Variants in SFT2D2 observed in about 807,000 individuals in gnomAD.
SFT2D2 encodes the protein SFT2 domain containing 2.
A neutral mutation model predicts 27.4 loss-of-function variants in SFT2D2; 21 were observed. The observed-to-expected ratio is 0.77, with a 90% CI of 0.54 to 1.10. The LOEUF (loss-of-function observed/expected upper bound fraction) is 1.10, where lower values mean the gene tolerates loss of function less well. Among genes scored for constraint, SFT2D2 ranks in the 50% least tolerant of loss-of-function variants. SFT2D2 has a pLI of 0.00. For missense variants in SFT2D2, 187 were observed against 194.2 expected (o/e 0.96, Z 0.22); for synonymous variants, 72 against 71.7 (o/e 1.00, Z -0.02).
In SFT2D2 at chr1:168,251,609, C is replaced by A. The variant is rs892980021; in HGVS notation, c.*9069C>A. 5 of 151,834 alleles carry A rather than the reference C, an allele frequency of 3.3e-5. No homozygotes were observed. The highest frequency in any genetic ancestry group is 1.2e-4 in the African/African-American group (5 of 41,342). The allele number at this position is 151,834 out of a possible 1,614,324, so 9.4% of individuals were successfully genotyped here. A position where few individuals can be genotyped will look rare whatever the true frequency, so the allele number is the denominator to read the frequency against. ...TTATAAATGGTTTAAAATACGTATT[C>A]TCAAACCTCATTTTCAGCATATAAA... On this transcript the variant is annotated 3_prime_UTR_variant, in exon 8 of 8. Coordinates refer to ENST00000271375, the MANE Select transcript of SFT2D2 (RefSeq NM_199344.3).
At chr1:168,227,059 A>G (rs1262237870) in intron 1 of SFT2D2, among the ~76,000 whole-genome samples, 1 of 152,068 alleles carries the variant, frequency 6.6e-6, no homozygotes, top group Non-Finnish European at 1.5e-5. Flanking sequence ...ACCTCAAGTG[A>G]TCCGCCCACC....
chr1:168,226,161 G>C lies in SFT2D2; in HGVS notation c.63+19G>C, dbSNP rs978125619. 1 of 1,525,080 alleles carries C rather than the reference G, an allele frequency of 6.6e-7. No individual in the cohort carries two copies. The highest frequency in any genetic ancestry group is 1.2e-5 in the South Asian group (1 of 80,732). The allele number at this position is 1,525,080 out of a possible 1,614,324, so 94.5% of individuals were successfully genotyped here. A position where few individuals can be genotyped will look rare whatever the true frequency, so the allele number is the denominator to read the frequency against. On this transcript the variant is annotated intron_variant, in intron 1 of 7. Transcript: ENST00000271375. ...GTCCGAGGTGAGTGAGCCCGGGGCCGTCGGCCCCCTCTCGCCGCGCTCCCG... is the reference window on the plus strand; with the variant it reads ...GTCCGAGGTGAGTGAGCCCGGGGCCCTCGGCCCCCTCTCGCCGCGCTCCCG...
chr1:168,231,810 C>T (rs373850426), intron 2 of SFT2D2, 24 bp from the exon 3 acceptor site: 1 of 1,611,152 alleles, frequency 6.2e-7, no homozygotes, highest in Non-Finnish European at 8.5e-7. Context: ...TGCTCATGTG[C>T]AAACACTGTA....
intron 7 of SFT2D2, among the ~76,000 whole-genome samples, chr1:168,240,500 A>G (rs779420914): frequency 6.6e-6 from 1 of 152,166 alleles, no homozygotes; most frequent in Non-Finnish European, 1.5e-5. Context: ...ACCGGAGTTC[A>G]TCATTACTGA....
intron 1 of SFT2D2, among the ~76,000 whole-genome samples, chr1:168,230,779 T>G (rs1240588149): frequency 6.6e-6 from 1 of 152,138 alleles, no homozygotes; most frequent in East Asian, 1.9e-4. Context: ...CTGGCTGTTG[T>G]CATTTTTGAC....
rs1364652097 is a variant in SFT2D2, at chr1:168,243,397, C to A, written c.*857C>A. ...TTATTTATAAATGTTTGCTTTTAAA[C>A]TGATTTTATTTTCCATTCTCCCCTG... On this transcript the variant is annotated 3_prime_UTR_variant, in exon 8 of 8. Transcript: ENST00000271375. 3 of 151,968 alleles carry A rather than the reference C, an allele frequency of 2.0e-5. No homozygotes were observed. In the East Asian group the frequency reaches 5.8e-4, roughly 29 times the overall value. The allele number at this position is 151,968 out of a possible 1,614,324, so 9.4% of individuals were successfully genotyped here. A position where few individuals can be genotyped will look rare whatever the true frequency, so the allele number is the denominator to read the frequency against.
At chr1:168,240,843 C>T (rs569145850) in intron 7 of SFT2D2, among the ~76,000 whole-genome samples, 37 of 152,040 alleles carry the variant, frequency 2.4e-4, no homozygotes, top group South Asian at 1.2e-3. Context: ...ACCTGGGAGG[C>T]GGAGGTTGCA....
chr1:168,232,603 C>A (rs1647354806), intron 3 of SFT2D2, among the ~76,000 whole-genome samples: 1 of 152,166 alleles, frequency 6.6e-6, no homozygotes, highest in Non-Finnish European at 1.5e-5. Flanking sequence ...AGTCTCCCCT[C>A]CATGATTCCT....
intron 1 of SFT2D2, 38 bp from the exon 2 acceptor site, chr1:168,231,476 A>T: frequency 2.0e-6 from 3 of 1,519,982 alleles, no homozygotes; most frequent in Non-Finnish European, 1.8e-6. Context: ...TTTTTAGTAA[A>T]TGTGTGTGTA....
Position 168,246,656 on chromosome 1 carries a change from G to T in SFT2D2, c.*4116G>T. On this transcript the variant is annotated 3_prime_UTR_variant, in exon 8 of 8. Transcript: ENST00000271375. ...AGCTCTTGGTCTCTTTCTGTTGAGT[G>T]ACTTTGATCATGATCATGTAGAGCA... The T allele has an allele frequency of 1.5e-6, 2 of 1,321,568 alleles. No individual in the cohort carries two copies. The highest frequency in any genetic ancestry group is 2.1e-6 in the Non-Finnish European group (2 of 933,786). 81.9% of individuals were successfully genotyped at this position (1,321,568 alleles called of 1,614,324 possible).
intron 3 of SFT2D2, among the ~76,000 whole-genome samples, chr1:168,233,988 G>A (rs1647406514): frequency 6.6e-6 from 1 of 152,232 alleles, no homozygotes; most frequent in South Asian, 2.1e-4. Flanking sequence ...ACTTCAAAGA[G>A]AGGAAGACTT....
Position 168,235,347 on chromosome 1 carries a change from C to T in SFT2D2, c.318+165C>T, listed in dbSNP as rs531931196. Among the ~76,000 whole-genome samples the T allele has an allele frequency of 2.0e-5, 3 of 152,274 alleles. 1 individual carries two copies. The highest frequency in any genetic ancestry group is 7.2e-5 in the African/African-American group (3 of 41,540). On this transcript the variant is annotated intron_variant, in intron 4 of 7. Transcript: ENST00000271375. ...GCAGAAGGGAACACTCTAAGTAATA[C>T]TACGATCCCCTCCTCCCCTACTTTG... is the stretch of plus-strand genomic sequence containing the variant.
In SFT2D2 at chr1:168,251,231, G is replaced by C; in HGVS notation, c.*8691G>C. The C allele has an allele frequency of 6.6e-6, 1 of 152,086 alleles. No homozygotes were observed. The highest frequency in any genetic ancestry group is 1.9e-4 in the East Asian group (1 of 5,190). 9.4% of individuals were successfully genotyped at this position (152,086 alleles called of 1,614,324 possible). On this transcript the variant is annotated 3_prime_UTR_variant, in exon 8 of 8. Transcript: ENST00000271375. ...GGAGGGAGGCTGAGGCACAAGAATT[G>C]CTTGAACCCAGGAGGTGGAAGTTCA...
intron 1 of SFT2D2, 42 bp from the exon 2 acceptor site, chr1:168,231,472 G>T: frequency 6.6e-7 from 1 of 1,513,526 alleles, no homozygotes; most frequent in Non-Finnish European, 9.1e-7. Context: ...TTTGTTTTTA[G>T]TAAATGTGTG....
intron 7 of SFT2D2, among the ~76,000 whole-genome samples, chr1:168,239,457 G>GTTTTT (rs34187475): frequency 8.5e-5 from 11 of 129,486 alleles, no homozygotes; most frequent in African/African-American, 2.6e-4. Flanking sequence ...TTTGAGTAGG[G>GTTTTT]TTTTTTTTTT....
intron 1 of SFT2D2, chr1:168,229,648 C>A (rs1300873842): frequency 6.6e-6 from 1 of 152,452 alleles, no homozygotes; most frequent in Non-Finnish European, 1.5e-5. Context: ...ACGAACAAGC[C>A]AGGCCAATCC....
intron 3 of SFT2D2, among the ~76,000 whole-genome samples, chr1:168,232,842 C>T (rs964846371): frequency 6.6e-6 from 1 of 152,202 alleles, no homozygotes; most frequent in African/African-American, 2.4e-5. Flanking sequence ...GGGCAGCCGA[C>T]ACGACCTGAG....
Position 168,242,449 on chromosome 1 carries a change from G to C in SFT2D2, c.444-52G>C, listed in dbSNP as rs572725313. On this transcript the variant is annotated intron_variant, in intron 7 of 7. Coordinates refer to ENST00000271375, the MANE Select transcript of SFT2D2 (RefSeq NM_199344.3). Reference sequence around the variant, plus strand: ...TCCACTCTGGGTGCCCTCTAAAGGAGTGCCTTTGGGGTGATGACGTTCCAC... The same window carrying C: ...TCCACTCTGGGTGCCCTCTAAAGGACTGCCTTTGGGGTGATGACGTTCCAC... 17 of 1,610,020 alleles carry C rather than the reference G, an allele frequency of 1.1e-5. No individual in the cohort carries two copies. In the Admixed American group the frequency reaches 2.0e-4, roughly 19 times the overall value.
At chr1:168,235,878 C>T (rs186362005) in intron 4 of SFT2D2, among the ~76,000 whole-genome samples, 1 of 152,188 alleles carries the variant, frequency 6.6e-6, no homozygotes, top group Non-Finnish European at 1.5e-5. Context: ...TTTATATAAT[C>T]TCATTTGTTC....
Sources: gnomAD v4.1 joint callset for allele counts (sites outside exome capture counted in the v4.1 genomes callset) on GRCh38, gnomAD v4.1.1 for gene constraint, MANE v1.5 for transcripts, NCBI Gene and HGNC (gene_info 2026-07-23, HGNC 2026-07-21) for gene names.